The following NALF1 variants were observed in gnomAD, a reference collection of about 807,000 sequenced individuals.
NALF1 encodes family with sequence similarity 155 member A.
Under a neutral mutation model 48.4 loss-of-function variants are expected in NALF1, and 3 were observed. The ratio of observed to expected loss-of-function variants is 0.06; its 90% confidence interval spans 0.03 to 0.16. The LOEUF (loss-of-function observed/expected upper bound fraction) is 0.16. Ranked by LOEUF, NALF1 falls within the 10% of genes least tolerant of loss-of-function variation. The pLI is 1.00. For synonymous variants in NALF1, 262 were observed against 245.7 expected (o/e 1.07, Z -0.62); for missense variants, 526 against 571.5 (o/e 0.92, Z 0.81).
intron 1 of NALF1, among the ~76,000 whole-genome samples, chr13:107,428,671 CA>C (rs1004808117): frequency 6.6e-6 from 1 of 152,234 alleles, no homozygotes; most frequent in Middle Eastern, 3.4e-3. Flanking sequence ...CAAGTATTTT[CA>C]AAAACAAAAC....
intron 1 of NALF1, among the ~76,000 whole-genome samples, chr13:107,246,491 A>T (rs1880588167): frequency 6.6e-6 from 1 of 152,212 alleles, no homozygotes; most frequent in African/African-American, 2.4e-5. Context: ...CCTTCTAAGA[A>T]GATCGATTTT....
At chr13:107,310,117 T>C (rs547002417) in intron 1 of NALF1, among the ~76,000 whole-genome samples, 2 of 152,058 alleles carry the variant, frequency 1.3e-5, no homozygotes, top group African/African-American at 4.8e-5. Context: ...GGTATTAAGA[T>C]ATAACTTCTG....
rs111623700 is a variant in NALF1 at position 107,178,817 on chromosome 13, T to C, written c.1088-8031A>G. ...AAAATTAGCCGGGCGTGGTGGCGGG[T>C]GCCTGTAGTCGCAGCTACTCGGGAG... On this transcript the variant is annotated intron_variant, in intron 2 of 2. Coordinates refer to ENST00000375915, the MANE Select transcript of NALF1 (RefSeq NM_001080396.3). Among the ~76,000 whole-genome samples the C allele has an allele frequency of 1.1e-3, 168 of 151,864 alleles. 1 individual carries two copies. Among genetic ancestry groups the C allele is most frequent in the African/African-American group, 3.4e-3 (140 of 41,450 alleles).
At chr13:107,693,335 GGC>G in intron 1 of NALF1, among the ~76,000 whole-genome samples, 2 of 58,278 alleles carry the variant, frequency 3.4e-5, no homozygotes, top group East Asian at 5.3e-4. Context: ...GGGTAGGGGG[GGC>G]GGGAGGGATA....
At chr13:107,630,780 C>T (rs1205326306) in intron 1 of NALF1, among the ~76,000 whole-genome samples, 1 of 151,708 alleles carries the variant, frequency 6.6e-6, no homozygotes, top group Non-Finnish European at 1.5e-5. Flanking sequence ...GGACATAATT[C>T]AACACTCTCA....
At chr13:107,482,832 C>T (rs994440617) in intron 1 of NALF1, among the ~76,000 whole-genome samples, 1 of 152,142 alleles carries the variant, frequency 6.6e-6, no homozygotes, top group Non-Finnish European at 1.5e-5. Flanking sequence ...ATACTGGCAA[C>T]GTGCACTATG....
chr13:107,201,024 A>G (rs921815778), intron 2 of NALF1, among the ~76,000 whole-genome samples: 3 of 152,174 alleles, frequency 2.0e-5, no homozygotes, highest in African/African-American at 7.2e-5. Flanking sequence ...ACATCGGCAG[A>G]CACGCCACTG....
At chr13:107,186,982 C>G (rs1157533090) in intron 2 of NALF1, among the ~76,000 whole-genome samples, 9 of 152,158 alleles carry the variant, frequency 5.9e-5, no homozygotes, top group Non-Finnish European at 1.3e-4. Flanking sequence ...TGGAAATTCT[C>G]AGCTTCTAGA....
At chr13:107,337,397 C>T (rs960104105) in intron 1 of NALF1, among the ~76,000 whole-genome samples, 46 of 152,168 alleles carry the variant, frequency 3.0e-4, no homozygotes, top group Non-Finnish European at 5.7e-4. Context: ...TGTTTAAATT[C>T]TCTTTTTTCT....
intron 1 of NALF1, among the ~76,000 whole-genome samples, chr13:107,632,908 TG>T (rs1207365462): frequency 4.6e-5 from 3 of 65,222 alleles, no homozygotes; most frequent in Non-Finnish European, 1.0e-4. Flanking sequence ...ACAAGCCTCA[TG>T]AAAAAAAAAA....
intron 1 of NALF1, among the ~76,000 whole-genome samples, chr13:107,421,015 G>T (rs11841194): frequency 0.016 from 2,452 of 152,190 alleles, 30 homozygotes; most frequent in South Asian, 0.029. Context: ...GCAAATAAAA[G>T]CTCATAATGG....
chr13:107,323,890 A>C lies in NALF1; in HGVS notation c.916-113135T>G, dbSNP rs1047739416. Reference sequence around the variant, plus strand: ...GACTTTGGGAGGCTGAGGCAGAAGGATCGCTTGACCCCAGGAGTTGATCAG... The same window carrying C: ...GACTTTGGGAGGCTGAGGCAGAAGGCTCGCTTGACCCCAGGAGTTGATCAG... On this transcript the variant is annotated intron_variant, in intron 1 of 2. Transcript: ENST00000375915. Among the ~76,000 whole-genome samples, 12 of 152,232 alleles carry C rather than the reference A, an allele frequency of 7.9e-5. No homozygotes were observed. The East Asian group carries it at 1.5e-3, about 20-fold the overall frequency.
At chr13:107,380,057 T>C (rs1285971695) in intron 1 of NALF1, among the ~76,000 whole-genome samples, 3 of 152,214 alleles carry the variant, frequency 2.0e-5, no homozygotes, top group African/African-American at 7.2e-5. Flanking sequence ...TTTTCCTTAA[T>C]GGGCTGATAT....
chr13:107,367,232 T>G (rs556004275), intron 1 of NALF1, among the ~76,000 whole-genome samples: 1 of 152,136 alleles, frequency 6.6e-6, no homozygotes, highest in African/African-American at 2.4e-5. Context: ...AAAACACAAT[T>G]CAAGCATTAA....
chr13:107,269,180 GA>G (rs1881104472), intron 1 of NALF1, among the ~76,000 whole-genome samples: 1 of 148,072 alleles, frequency 6.8e-6, no homozygotes, highest in Non-Finnish European at 1.5e-5. Flanking sequence ...AAAAAAAAAA[GA>G]ATTTAAAAAA....
intron 1 of NALF1, among the ~76,000 whole-genome samples, chr13:107,275,432 T>C (rs1396565734): frequency 1.0e-5 from 1 of 96,408 alleles, no homozygotes; most frequent in African/African-American, 2.8e-5. Context: ...TAAAACACAG[T>C]CAATCAATTC....
intron 1 of NALF1, among the ~76,000 whole-genome samples, chr13:107,748,927 C>T (rs1206385018): frequency 6.6e-6 from 1 of 152,068 alleles, no homozygotes; most frequent in Non-Finnish European, 1.5e-5. Context: ...TGAGAACACA[C>T]ACAATACACA....
chr13:107,285,611 G>T (rs564531255), intron 1 of NALF1, among the ~76,000 whole-genome samples: 4 of 152,152 alleles, frequency 2.6e-5, no homozygotes, highest in South Asian at 4.1e-4. Flanking sequence ...GATACCATGG[G>T]TATATTGTTT....
At chr13:107,464,167 C>T (rs1884963160) in intron 1 of NALF1, among the ~76,000 whole-genome samples, 1 of 151,974 alleles carries the variant, frequency 6.6e-6, no homozygotes, top group African/African-American at 2.4e-5. Flanking sequence ...ATCTAAGTTC[C>T]ATGAATGTCT....
Sources: allele counts gnomAD v4.1 joint callset (sites outside exome capture counted in the v4.1 genomes callset), GRCh38; gene constraint gnomAD v4.1.1; transcripts MANE v1.5; gene names NCBI Gene and HGNC (gene_info 2026-07-23, HGNC 2026-07-21).